Variants in CDH13 observed in about 807,000 individuals in gnomAD.
The protein encoded by CDH13 is cadherin 13.
CDH13 carries 24 observed loss-of-function variants against 63.8 expected under a neutral mutation model. The ratio of observed to expected loss-of-function variants is 0.38; its 90% confidence interval spans 0.27 to 0.53. The LOEUF (loss-of-function observed/expected upper bound fraction) is 0.53, where lower values mean the gene tolerates loss of function less well. CDH13 is among the 20% of genes least tolerant of loss of function. The pLI is 0.85. For synonymous variants in CDH13, 503 were observed against 355.3 expected, an observed-to-expected ratio of 1.42 and a Z score of -4.67; for missense variants, 1,049 against 903.1, an observed-to-expected ratio of 1.16 and a Z score of -2.07.
intron 3 of CDH13, among the ~76,000 whole-genome samples, chr16:83,040,645 G>C: frequency 6.6e-6 from 1 of 152,240 alleles, no homozygotes; most frequent in Non-Finnish European, 1.5e-5. Context: ...CTGAGGGTGG[G>C]TCTGCCTCTC....
intron 2 of CDH13, among the ~76,000 whole-genome samples, chr16:83,018,788 C>G (rs1368785245): frequency 6.6e-6 from 1 of 152,210 alleles, no homozygotes; most frequent in African/African-American, 2.4e-5. Flanking sequence ...TAGCACGGTG[C>G]TGTACTGAGT....
chr16:83,071,388 C>A (rs1453003808), intron 3 of CDH13, among the ~76,000 whole-genome samples: 3 of 152,154 alleles, frequency 2.0e-5, no homozygotes, highest in Non-Finnish European at 4.4e-5. Context: ...AGAGATGCTC[C>A]CCTTCCTATT....
chr16:82,642,819 T>G (rs990187714), intron 1 of CDH13, among the ~76,000 whole-genome samples: 4 of 152,200 alleles, frequency 2.6e-5, no homozygotes, highest in Admixed American at 6.5e-5. Flanking sequence ...TCATAGTGAC[T>G]CTATAAAATA....
chr16:83,261,972 C>G (rs1056141477), intron 5 of CDH13, among the ~76,000 whole-genome samples: 2 of 152,116 alleles, frequency 1.3e-5, no homozygotes, highest in South Asian at 2.1e-4. Flanking sequence ...GGAGTCACTG[C>G]AAACTACCAG....
At chr16:83,760,490 C>A (rs180712784) in intron 11 of CDH13, among the ~76,000 whole-genome samples, 1 of 152,182 alleles carries the variant, frequency 6.6e-6, no homozygotes, top group African/African-American at 2.4e-5. Context: ...CACAAAATGG[C>A]ATCTGTACAA....
At chr16:83,784,457 C>T (rs778340782) in intron 13 of CDH13, among the ~76,000 whole-genome samples, 13 of 151,976 alleles carry the variant, frequency 8.6e-5, no homozygotes, top group African/African-American at 2.4e-4. Context: ...CATGGTGAAA[C>T]CTTGTGTCTA....
intron 1 of CDH13, among the ~76,000 whole-genome samples, chr16:82,649,244 C>G (rs572463450): frequency 5.8e-4 from 89 of 152,190 alleles, no homozygotes; most frequent in African/African-American, 2.1e-3. Context: ...AGGGTCCAAA[C>G]TCAGATTATT....
intron 1 of CDH13, among the ~76,000 whole-genome samples, chr16:82,682,968 A>C (rs887522245): frequency 3.9e-5 from 6 of 152,194 alleles, no homozygotes; most frequent in African/African-American, 1.4e-4. Context: ...CACTATCTCC[A>C]GGAAGCAGCT....
intron 10 of CDH13, among the ~76,000 whole-genome samples, chr16:83,731,254 G>A (rs1181336240): frequency 6.6e-6 from 1 of 152,108 alleles, no homozygotes; most frequent in Non-Finnish European, 1.5e-5. Flanking sequence ...CTTTGGACAG[G>A]GGCTGAACTG....
At chr16:83,313,770 T>C (rs1046354843) in intron 5 of CDH13, among the ~76,000 whole-genome samples, 2 of 152,180 alleles carry the variant, frequency 1.3e-5, no homozygotes, top group Admixed American at 6.5e-5. Flanking sequence ...GTTAATGTTG[T>C]TAAACAATAG....
Position 82,898,447 on chromosome 16 carries a change from C to T in CDH13, c.157+39974C>T, listed in dbSNP as rs546119749. Among the ~76,000 whole-genome samples, 7 of 152,320 alleles carry T rather than the reference C, an allele frequency of 4.6e-5. No individual in the cohort carries two copies. The East Asian group carries it at 1.2e-3, about 25-fold the overall frequency. ...GGTGGAGACAGGAGAATTACTTGAA[C>T]CTGGGAGGCAGAGGTTGCAGTGAGC... On this transcript the variant is annotated intron_variant, in intron 2 of 13. Coordinates refer to ENST00000567109, the MANE Select transcript of CDH13 (RefSeq NM_001257.5).
At chr16:83,787,733 A>G (rs1915981394) in intron 13 of CDH13, among the ~76,000 whole-genome samples, 1 of 152,206 alleles carries the variant, frequency 6.6e-6, no homozygotes, top group Non-Finnish European at 1.5e-5. Context: ...ACTTGAGGTC[A>G]GGAGTTCAAG....
At chr16:82,947,619 A>G (rs1904875023) in intron 2 of CDH13, among the ~76,000 whole-genome samples, 1 of 152,216 alleles carries the variant, frequency 6.6e-6, no homozygotes. Context: ...TCAAGGAGGA[A>G]ACTTAACAAA....
intron 3 of CDH13, among the ~76,000 whole-genome samples, chr16:83,057,682 C>A (rs995199632): frequency 1.3e-5 from 2 of 151,918 alleles, no homozygotes. Context: ...AGCCTTTCTT[C>A]CTGGCCATTC....
chr16:83,146,315 T>A (rs1245786819), intron 4 of CDH13, among the ~76,000 whole-genome samples: 4 of 152,222 alleles, frequency 2.6e-5, no homozygotes, highest in Non-Finnish European at 5.9e-5. Flanking sequence ...TTGAAGACAT[T>A]ATGTCTAGAT....
chr16:83,194,957 C>T (rs1377082306), intron 4 of CDH13, among the ~76,000 whole-genome samples: 2 of 152,036 alleles, frequency 1.3e-5, no homozygotes, highest in South Asian at 4.1e-4. Flanking sequence ...AATTTTAAAG[C>T]GAATGGTAAT....
At chr16:82,809,275 C>G (rs968011319) in intron 1 of CDH13, among the ~76,000 whole-genome samples, 1 of 150,502 alleles carries the variant, frequency 6.6e-6, no homozygotes, top group Non-Finnish European at 1.5e-5. Context: ...TTTCTTCAAT[C>G]ACAAGTGAGT....
intron 11 of CDH13, among the ~76,000 whole-genome samples, chr16:83,769,973 C>T (rs1914654618): frequency 6.6e-6 from 1 of 152,182 alleles, no homozygotes; most frequent in African/African-American, 2.4e-5. Context: ...CAACAAGGAA[C>T]TGGGCCAGGG....
chr16:83,192,703 G>A (rs1451889645), intron 4 of CDH13, among the ~76,000 whole-genome samples: 1 of 152,126 alleles, frequency 6.6e-6, no homozygotes, highest in Non-Finnish European at 1.5e-5. Context: ...GTATCACCAA[G>A]CCGTTCCCAT....
Sources: gnomAD v4.1 joint callset for allele counts (sites outside exome capture counted in the v4.1 genomes callset) on GRCh38, gnomAD v4.1.1 for gene constraint, MANE v1.5 for transcripts, NCBI Gene and HGNC (gene_info 2026-07-23, HGNC 2026-07-21) for gene names.